The following ABLIM3 variants were observed in gnomAD, a reference collection of about 807,000 sequenced individuals.
ABLIM3 encodes the protein actin-binding LIM protein 3.
Under a neutral mutation model 109.5 loss-of-function variants are expected in ABLIM3, and 61 were observed. The ratio of observed to expected loss-of-function variants is 0.56; its 90% CI spans 0.45 to 0.69. The LOEUF (loss-of-function observed/expected upper bound fraction) is 0.69, where lower values mean the gene tolerates loss of function less well. Among genes scored for constraint, ABLIM3 ranks in the 30% least tolerant of loss-of-function variants. ABLIM3 has a pLI of 0.00. For synonymous variants in ABLIM3, 300 were observed against 324.8 expected (o/e 0.92, Z 0.82); for missense variants, 796 against 889.5 (o/e 0.89, Z 1.34).
At chr5:149,240,843 C>T (rs1284858885) in intron 14 of ABLIM3, 69 bp downstream of exon 14, 3 of 1,428,834 alleles carry the variant, frequency 2.1e-6, no homozygotes, top group Non-Finnish European at 2.9e-6. Flanking sequence ...GCCTGAGTCA[C>T]CCCCTCGATG....
intron 2 of ABLIM3, among the ~76,000 whole-genome samples, chr5:149,163,258 G>A (rs1754539820): frequency 6.6e-6 from 1 of 152,156 alleles, no homozygotes; most frequent in African/African-American, 2.4e-5. Context: ...CAACATGTTG[G>A]GATCCTCTAA....
At chr5:149,250,637 A>G in intron 20 of ABLIM3, 132 bp downstream of exon 20, 1 of 1,053,494 alleles carries the variant, frequency 9.5e-7, no homozygotes, top group Non-Finnish European at 1.4e-6. Context: ...ACACAACTGT[A>G]TGGCAATGAC....
chr5:149,252,519 G>T, intron 22 of ABLIM3: 1 of 552,676 alleles, frequency 1.8e-6, no homozygotes, highest in Non-Finnish European at 3.2e-6. Context: ...ATGGGCACAT[G>T]GCAAATACCT....
intron 2 of ABLIM3, among the ~76,000 whole-genome samples, chr5:149,165,368 C>T (rs1456227100): frequency 6.6e-6 from 1 of 152,142 alleles, no homozygotes; most frequent in Non-Finnish European, 1.5e-5. Flanking sequence ...TTTGGGAATA[C>T]ATTTATGCAT....
rs533542572 is a variant in ABLIM3, at chr5:149,254,231, C to T, written c.1938+1394C>T. Among the ~76,000 whole-genome samples the T allele has an allele frequency of 2.8e-4, 42 of 152,192 alleles. 1 individual carries two copies. Among genetic ancestry groups the T allele is most frequent in the South Asian group, 1.9e-3 (9 of 4,804 alleles). On this transcript the variant is annotated intron_variant, in intron 23 of 23. Coordinates refer to ENST00000309868, the MANE Select transcript of ABLIM3 (RefSeq NM_014945.5). ...CCAGCCTCCTTGCTCCTCAGGGCTC[C>T]GCACTAGTAATCCCTGTGCCCCAAA...
chr5:149,206,159 G>T (rs185687002), intron 5 of ABLIM3, among the ~76,000 whole-genome samples: 153 of 152,268 alleles, frequency 1.0e-3, no homozygotes, highest in Non-Finnish European at 1.9e-3. Context: ...CTCCATTTCC[G>T]GACCCTCCTC....
Position 149,259,351 on chromosome 5 carries a change from G to A in ABLIM3, c.*947G>A, listed in dbSNP as rs79369804. 23 of 1,441,566 alleles carry A rather than the reference G, an allele frequency of 1.6e-5. No individual in the cohort carries two copies. The South Asian group carries it at 1.9e-4, about 12-fold the overall frequency. 89.3% of individuals were successfully genotyped at this position (1,441,566 alleles called of 1,614,324 possible). The stretch of plus-strand genomic sequence containing the variant: ...TATGTGCCTGACAACTCAACACACC[G>A]CAGGGCTAATGTTCCCACCAGAGCT... On this transcript the variant is annotated 3_prime_UTR_variant, in exon 24 of 24. Transcript: ENST00000309868.
chr5:149,228,149 G>A (rs1207334879), intron 8 of ABLIM3, among the ~76,000 whole-genome samples: 1 of 152,076 alleles, frequency 6.6e-6, no homozygotes, highest in African/African-American at 2.4e-5. Context: ...TAGGGACAAG[G>A]GCTTACTGTC....
At position 149,250,326 on chromosome 5, in the gene ABLIM3, C is replaced by T. The variant is rs77669276; in HGVS notation, c.1730-121C>T. The T allele has an allele frequency of 1.3e-3, 1,276 of 946,778 alleles. 4 individuals are homozygous for T. Among genetic ancestry groups the T allele is most frequent in the Non-Finnish European group, 1.8e-3 (1,102 of 599,486 alleles). The allele number at this position is 946,778 out of a possible 1,614,324, so 58.6% of individuals were successfully genotyped here. On this transcript the variant is annotated intron_variant, in intron 19 of 23. Coordinates refer to ENST00000309868, the MANE Select transcript of ABLIM3 (RefSeq NM_014945.5). The stretch of plus-strand genomic sequence containing the variant: ...GAGCATCAGGAAGAGTTGGTGGCCT[C>T]TGGCCTCCACCCCTTCCTGCTAGGT...
chr5:149,206,859 G>A lies in ABLIM3; in HGVS notation c.449-149G>A, dbSNP rs755744400. 347 of 1,058,414 alleles carry A rather than the reference G, an allele frequency of 3.3e-4. 2 individuals are homozygous for A. The highest frequency in any genetic ancestry group is 7.3e-5 in the Non-Finnish European group (56 of 766,324). 65.6% of individuals were successfully genotyped at this position (1,058,414 alleles called of 1,614,324 possible). On this transcript the variant is annotated intron_variant, in intron 5 of 23. Coordinates refer to ENST00000309868, the MANE Select transcript of ABLIM3 (RefSeq NM_014945.5). Reference sequence around the variant, plus strand: ...ACTCCAGTGGCTTTTTCTCTCCCCTGGGAGAGCCTCTGGGAAGCTTCCAGT... The same window carrying A: ...ACTCCAGTGGCTTTTTCTCTCCCCTAGGAGAGCCTCTGGGAAGCTTCCAGT...
chr5:149,223,555 G>A (rs1429972725), intron 8 of ABLIM3, among the ~76,000 whole-genome samples: 2 of 152,164 alleles, frequency 1.3e-5, no homozygotes, highest in African/African-American at 4.8e-5. Context: ...AGCACAGCTG[G>A]GTCGAGGGGC....
intron 18 of ABLIM3, among the ~76,000 whole-genome samples, chr5:149,249,360 T>C (rs562589111): frequency 6.6e-5 from 10 of 152,232 alleles, no homozygotes; most frequent in Non-Finnish European, 1.3e-4. Flanking sequence ...AAGGAGGCAC[T>C]ATCACTCCCC....
At chr5:149,144,434 A>T (rs897879456) in intron 2 of ABLIM3, among the ~76,000 whole-genome samples, 1 of 152,232 alleles carries the variant, frequency 6.6e-6, no homozygotes, top group Non-Finnish European at 1.5e-5. Flanking sequence ...CATTGGCAGG[A>T]GGTCCTTGGG....
At position 149,252,173 on chromosome 5, in the gene ABLIM3, G is replaced by C. The variant is rs373421317; in HGVS notation, c.1850-28G>C. ...AGCAAAGACTGATGGGCTCCATTCT[G>C]TGTGTGTGTCTCTTTTTCTCTCTGC... On this transcript the variant is annotated intron_variant, in intron 21 of 23. Transcript: ENST00000309868. 18 of 1,611,540 alleles carry C rather than the reference G, an allele frequency of 1.1e-5. No individual in the cohort carries two copies. In the African/African-American group the frequency reaches 2.4e-4, roughly 22 times the overall value.
At position 149,258,374 on chromosome 5, in the gene ABLIM3, T is replaced by C; in HGVS notation, c.2022T>C (p.Asn674=). 1 of 1,613,980 alleles carries C rather than the reference T, an allele frequency of 6.2e-7. No homozygotes were observed. Among genetic ancestry groups the C allele is most frequent in the East Asian group, 2.2e-5 (1 of 44,868 alleles). Residue 674 remains asparagine (N), a synonymous_variant, in exon 24 of 24, where the codon AAT becomes AAC. Coordinates refer to ENST00000309868, the MANE Select transcript of ABLIM3 (RefSeq NM_014945.5). The part of the protein sequence containing the change: ...EFDRLALWKR[N]ELKKQARLF The stretch of plus-strand genomic sequence containing the variant: ...ACCGGCTGGCCCTCTGGAAGAGGAA[T>C]GAACTGAAGAAGCAAGCCCGGCTGT...
At position 149,216,993 on chromosome 5, in the gene ABLIM3, G is replaced by A. The variant is rs1306772046; in HGVS notation, c.704G>A (p.Arg235Lys). 2 of 1,614,044 alleles carry A rather than the reference G, an allele frequency of 1.2e-6. No individual in the cohort carries two copies. The highest frequency in any genetic ancestry group is 2.2e-5 in the East Asian group (1 of 44,894). Residue 235 changes from arginine (R) to lysine (K), a missense_variant, in exon 8 of 24, where the codon AGG becomes AAG. Arg to Lys is a conservative substitution (Grantham distance 26, BLOSUM62 2). Transcript: ENST00000309868. ...AAGCACTACCACCCAACCTGTGCCA[G>A]GTGTGTACGCTGCCACCAGATGTTC... ...GGKHYHPTCA[R>K]CVRCHQMFTE...
In ABLIM3 at chr5:149,216,995, T is replaced by G; in HGVS notation, c.706T>G (p.Cys236Gly). ...GKHYHPTCAR[C>G]VRCHQMFTEG... is the part of the protein sequence containing the mutation. ...GCACTACCACCCAACCTGTGCCAGGTGTGTACGCTGCCACCAGATGTTCAC... is the reference window on the plus strand; with the variant it reads ...GCACTACCACCCAACCTGTGCCAGGGGTGTACGCTGCCACCAGATGTTCAC... The change falls in exon 8 of 24, where the codon TGT (cysteine) becomes GGT (glycine). Residue 236 changes from cysteine (C) to glycine (G), a missense_variant. Coordinates refer to ENST00000309868, the MANE Select transcript of ABLIM3 (RefSeq NM_014945.5). 1 of 1,614,140 alleles carries G rather than the reference T, an allele frequency of 6.2e-7. No individual in the cohort carries two copies. Among genetic ancestry groups the G allele is most frequent in the Non-Finnish European group, 8.5e-7 (1 of 1,180,016 alleles).
chr5:149,158,376 GC>G (rs1754034637), intron 2 of ABLIM3, among the ~76,000 whole-genome samples: 1 of 152,030 alleles, frequency 6.6e-6, no homozygotes, highest in African/African-American at 2.4e-5. Context: ...ATGGCAGAAA[GC>G]TAACATGTAA....
chr5:149,229,011 C>T lies in ABLIM3; in HGVS notation c.758-1638C>T, dbSNP rs551793955. Among the ~76,000 whole-genome samples the T allele has an allele frequency of 2.6e-5, 4 of 152,336 alleles. No homozygotes were observed. In the South Asian group the frequency reaches 8.3e-4, roughly 32 times the overall value. Reference sequence around the variant, plus strand: ...AACTTAAGTTCATGACCTCCTCAGACCTCTGTGTCCATCTCATCCATTTCC... The same window carrying T: ...AACTTAAGTTCATGACCTCCTCAGATCTCTGTGTCCATCTCATCCATTTCC... On this transcript the variant is annotated intron_variant, in intron 8 of 23. Coordinates refer to ENST00000309868, the MANE Select transcript of ABLIM3 (RefSeq NM_014945.5).
Sources: allele counts gnomAD v4.1 joint callset (sites outside exome capture counted in the v4.1 genomes callset), GRCh38; gene constraint gnomAD v4.1.1; transcripts MANE v1.5; gene names NCBI Gene and HGNC (gene_info 2026-07-23, HGNC 2026-07-21).